Variants in PTPRT observed in about 807,000 individuals in gnomAD.
PTPRT encodes the protein protein tyrosine phosphatase receptor type T.
Under a neutral mutation model 176.8 loss-of-function variants are expected in PTPRT, and 56 were observed. The observed-to-expected ratio is 0.32, with a 90% CI of 0.26 to 0.40. The LOEUF (loss-of-function observed/expected upper bound fraction) is 0.40. Ranked by LOEUF, PTPRT falls within the 10% of genes least tolerant of loss-of-function variation. The probability of loss-of-function intolerance (pLI) is 1.00; values close to 1 mark genes in which losing one functional copy is unlikely to be tolerated. For missense variants in PTPRT, 1,540 were observed against 1,908.2 expected, an observed-to-expected ratio of 0.81 and a Z score of 3.60; for synonymous variants, 783 against 739.0, an observed-to-expected ratio of 1.06 and a Z score of -0.96.
intron 1 of PTPRT, among the ~76,000 whole-genome samples, chr20:43,146,759 T>C (rs1376328212): frequency 1.3e-5 from 2 of 152,180 alleles, no homozygotes; most frequent in Non-Finnish European, 2.9e-5. Context: ...TGTCTTCTTT[T>C]TCTTAAAGTG....
intron 6 of PTPRT, among the ~76,000 whole-genome samples, chr20:42,716,211 CAT>C (rs2146214019): frequency 6.6e-6 from 1 of 152,082 alleles, no homozygotes; most frequent in East Asian, 1.9e-4. Context: ...AAACCACAGA[CAT>C]GTGAGCAAAA....
At chr20:42,319,292 T>C (rs1370651036) in intron 11 of PTPRT, among the ~76,000 whole-genome samples, 1 of 151,572 alleles carries the variant, frequency 6.6e-6, no homozygotes, top group African/African-American at 2.4e-5. Context: ...TTTCTTCTCT[T>C]CCTACAAACC....
intron 1 of PTPRT, among the ~76,000 whole-genome samples, chr20:42,891,647 G>T (rs1024106361): frequency 6.6e-6 from 1 of 152,056 alleles, no homozygotes; most frequent in African/African-American, 2.4e-5. Context: ...AATGAGAGAG[G>T]AATAGAATTC....
At chr20:42,243,081 GAGAGAGAC>G (rs1369179367) in intron 14 of PTPRT, among the ~76,000 whole-genome samples, 2 of 151,978 alleles carry the variant, frequency 1.3e-5, no homozygotes, top group African/African-American at 2.4e-5. Context: ...GGGAGAAAGA[GAGAGAGAC>G]AGAGAGACAG....
intron 16 of PTPRT, among the ~76,000 whole-genome samples, chr20:42,187,740 C>CA (rs1354004764): frequency 6.6e-6 from 1 of 152,226 alleles, no homozygotes; most frequent in Non-Finnish European, 1.5e-5. Context: ...TTCTGAGTTC[C>CA]ATCCCAGGAT....
intron 7 of PTPRT, among the ~76,000 whole-genome samples, chr20:42,675,622 A>G (rs1167316730): frequency 6.6e-6 from 1 of 152,240 alleles, no homozygotes; most frequent in East Asian, 1.9e-4. Context: ...GTAAAAAAGA[A>G]TAAATGATAT....
At chr20:42,771,220 A>G (rs1327184899) in intron 5 of PTPRT, among the ~76,000 whole-genome samples, 1 of 152,070 alleles carries the variant, frequency 6.6e-6, no homozygotes, top group African/African-American at 2.4e-5. Flanking sequence ...GCGACTGACC[A>G]CACCACCCAC....
intron 15 of PTPRT, among the ~76,000 whole-genome samples, chr20:42,223,790 G>A (rs1179935108): frequency 6.6e-6 from 1 of 152,126 alleles, no homozygotes; most frequent in African/African-American, 2.4e-5. Context: ...AATTGGTATG[G>A]GGAAGGAAGA....
rs2071207898 is a variant in PTPRT at position 42,472,119 on chromosome 20, A to T, written c.1450+147T>A. 4 of 886,418 alleles carry T rather than the reference A, an allele frequency of 4.5e-6. No homozygotes were observed. The South Asian group carries it at 7.0e-5, about 16-fold the overall frequency. The allele number at this position is 886,418 out of a possible 1,614,324, so 54.9% of individuals were successfully genotyped here. On this transcript the variant is annotated intron_variant, in intron 8 of 30. Transcript: ENST00000373187. ...GAGTTGTGCAATGCACAGTTTACAT[A>T]GTCCTTCATTGAAGGCCTAAGAAAA...
intron 1 of PTPRT, among the ~76,000 whole-genome samples, chr20:43,138,558 G>A (rs560159454): frequency 6.6e-6 from 1 of 152,310 alleles, no homozygotes; most frequent in East Asian, 1.9e-4. Flanking sequence ...ACCGGGCACA[G>A]GTGGGCCCCT....
At chr20:42,682,493 C>T (rs1306664009) in intron 6 of PTPRT, among the ~76,000 whole-genome samples, 1 of 152,216 alleles carries the variant, frequency 6.6e-6, no homozygotes, top group Admixed American at 6.5e-5. Flanking sequence ...AGGCTTTTCA[C>T]TTCTAACACA....
chr20:42,487,804 T>C (rs900132399), intron 7 of PTPRT, among the ~76,000 whole-genome samples: 5 of 152,232 alleles, frequency 3.3e-5, no homozygotes, highest in African/African-American at 9.6e-5. Context: ...TGGTGAATTG[T>C]TATAGCGGCA....
chr20:42,948,828 C>A (rs887076377), intron 1 of PTPRT, among the ~76,000 whole-genome samples: 2 of 152,184 alleles, frequency 1.3e-5, no homozygotes, highest in Non-Finnish European at 2.9e-5. Flanking sequence ...GCGATGACTG[C>A]CACATCTGTA....
At chr20:42,461,293 C>T (rs2071014627) in intron 8 of PTPRT, among the ~76,000 whole-genome samples, 1 of 152,172 alleles carries the variant, frequency 6.6e-6, no homozygotes, top group Non-Finnish European at 1.5e-5. Context: ...TGCCATTGCA[C>T]TCCAGCCTGG....
At chr20:42,171,779 T>TA (rs984529481) in intron 16 of PTPRT, among the ~76,000 whole-genome samples, 5 of 152,082 alleles carry the variant, frequency 3.3e-5, no homozygotes, top group Non-Finnish European at 7.4e-5. Context: ...AAATCAACAT[T>TA]AAAAAAACTG....
intron 1 of PTPRT, among the ~76,000 whole-genome samples, chr20:42,956,443 T>C (rs979318973): frequency 1.5e-5 from 2 of 135,110 alleles, no homozygotes; most frequent in African/African-American, 6.8e-5. Flanking sequence ...CACCTGCTCC[T>C]ACTCTAGCCG....
chr20:42,434,954 G>A (rs1009084512), intron 9 of PTPRT, among the ~76,000 whole-genome samples: 2 of 151,124 alleles, frequency 1.3e-5, no homozygotes, highest in African/African-American at 4.9e-5. Context: ...GACAGAGTGA[G>A]AATCCATCTC....
At chr20:42,929,362 AAAG>A (rs1379470498) in intron 1 of PTPRT, among the ~76,000 whole-genome samples, 2 of 152,272 alleles carry the variant, frequency 1.3e-5, no homozygotes, top group African/African-American at 2.4e-5. Flanking sequence ...GTTAAGTAAT[AAAG>A]AAGGACATTA....
chr20:43,064,860 C>G (rs1453344567), intron 1 of PTPRT, among the ~76,000 whole-genome samples: 2 of 152,212 alleles, frequency 1.3e-5, no homozygotes, highest in Non-Finnish European at 2.9e-5. Context: ...GCCGATAAAT[C>G]CCAACCCTTG....
Sources: allele counts gnomAD v4.1 joint callset (sites outside exome capture counted in the v4.1 genomes callset), GRCh38; gene constraint gnomAD v4.1.1; transcripts MANE v1.5; gene names NCBI Gene and HGNC (gene_info 2026-07-23, HGNC 2026-07-21).